The following BUD23 variants were observed in gnomAD, a reference collection of about 807,000 sequenced individuals.
BUD23 encodes the protein 18S rRNA (guanine-N(7))-methyltransferase.
In BUD23, 34 loss-of-function variants were observed where a neutral mutation model predicts 47.0. That is an observed-to-expected ratio of 0.72 (90% CI 0.55 to 0.96). The LOEUF (loss-of-function observed/expected upper bound fraction) is 0.96, where lower values mean the gene tolerates loss of function less well. BUD23 is among the 40% of genes least tolerant of loss of function. BUD23 has a pLI of 0.00. For synonymous variants in BUD23, 124 were observed against 132.0 expected (o/e 0.94, Z 0.41); for missense variants, 343 against 361.2 (o/e 0.95, Z 0.41).
intron 6 of BUD23, among the ~76,000 whole-genome samples, chr7:73,691,959 C>G (rs1798210349): frequency 6.6e-6 from 1 of 152,156 alleles, no homozygotes; most frequent in South Asian, 2.1e-4. Flanking sequence ...TTAGCCTGGT[C>G]TAGCCCACCC....
At position 73,687,844 on chromosome 7, in the gene BUD23, C is replaced by T. The variant is rs1021666298; in HGVS notation, c.362+749C>T. Among the ~76,000 whole-genome samples the T allele has an allele frequency of 2.0e-5, 3 of 151,890 alleles. No homozygotes were observed. The South Asian group carries it at 6.2e-4, about 32-fold the overall frequency. ...TATTTTTTTGGATTCTAAAACTTTG[C>T]AGTCTGGCCAACATGGTGAAACCCA... On this transcript the variant is annotated intron_variant, in intron 5 of 11. Coordinates refer to ENST00000265758, the MANE Select transcript of BUD23 (RefSeq NM_017528.5).
Position 73,697,707 on chromosome 7 carries a change from C to A in BUD23, c.791+13C>A, listed in dbSNP as rs1798476253. 5 of 1,590,688 alleles carry A rather than the reference C, an allele frequency of 3.1e-6. No individual in the cohort carries two copies. Among genetic ancestry groups the A allele is most frequent in the Non-Finnish European group, 4.3e-6 (5 of 1,171,008 alleles). On this transcript the variant is annotated intron_variant, in intron 11 of 11. Coordinates refer to ENST00000265758, the MANE Select transcript of BUD23 (RefSeq NM_017528.5). ...GGCGCCAGGGCAGGTGAGTGCCAGCCTGGGAGCTGGCAGGGTGGGTGGGGG... is the reference window on the plus strand; with the variant it reads ...GGCGCCAGGGCAGGTGAGTGCCAGCATGGGAGCTGGCAGGGTGGGTGGGGG...
chr7:73,689,036 G>A (rs1207644419), intron 5 of BUD23, among the ~76,000 whole-genome samples: 1 of 152,224 alleles, frequency 6.6e-6, no homozygotes, highest in Non-Finnish European at 1.5e-5. Context: ...TCTTCGGGGA[G>A]AGGTGAGATG....
At chr7:73,685,169 C>T (rs548152250) in intron 2 of BUD23, among the ~76,000 whole-genome samples, 1 of 151,304 alleles carries the variant, frequency 6.6e-6, no homozygotes, top group African/African-American at 2.4e-5. Context: ...TTAGCCGGGC[C>T]TACGGGAGGC....
intron 2 of BUD23, among the ~76,000 whole-genome samples, chr7:73,685,302 G>A (rs113864395): frequency 0.035 from 5,338 of 152,278 alleles, 91 homozygotes; most frequent in African/African-American, 0.04. Context: ...AATAGCTATT[G>A]GATACTGTTT....
chr7:73,684,498 G>A (rs1192060837), intron 2 of BUD23, among the ~76,000 whole-genome samples: 1 of 151,400 alleles, frequency 6.6e-6, no homozygotes, highest in Non-Finnish European at 1.5e-5. Flanking sequence ...ATGGGGTCTC[G>A]CTGTGTTGCC....
chr7:73,689,513 C>CT (rs1293362580), intron 5 of BUD23, among the ~76,000 whole-genome samples: 1 of 152,088 alleles, frequency 6.6e-6, no homozygotes, highest in African/African-American at 2.4e-5. Flanking sequence ...GGTGTGTGCC[C>CT]TAGGGAGTCA....
Position 73,686,983 on chromosome 7 carries a change from C to T in BUD23, c.266-16C>T. On this transcript the variant is annotated splice_polypyrimidine_tract_variant and intron_variant, in intron 4 of 11. Transcript: ENST00000265758. The stretch of plus-strand genomic sequence containing the variant: ...CAGGTATTTCTCTTTCTCTGACTGC[C>T]TTTTCTCTAATGTAGATGAGGCTGT... 1 of 1,614,174 alleles carries T rather than the reference C, an allele frequency of 6.2e-7. No individual in the cohort carries two copies. The highest frequency in any genetic ancestry group is 8.5e-7 in the Non-Finnish European group (1 of 1,180,012).
At chr7:73,684,015 G>A in intron 2 of BUD23, 1 of 1,435,944 alleles carries the variant, frequency 7.0e-7, no homozygotes, top group South Asian at 1.5e-5. Context: ...GGGTGATCGC[G>A]CTTGCTTTCC....
chr7:73,691,998 C>T (rs1584223072), intron 6 of BUD23, among the ~76,000 whole-genome samples: 1 of 152,184 alleles, frequency 6.6e-6, no homozygotes, highest in Admixed American at 6.5e-5. Context: ...ACTGCACCTG[C>T]CGATCTGGCC....
intron 7 of BUD23, 22 bp from the exon 8 acceptor site, chr7:73,693,307 C>G: frequency 6.2e-7 from 1 of 1,608,532 alleles, no homozygotes; most frequent in South Asian, 1.1e-5. Flanking sequence ...CGCTGCCTGA[C>G]CCGCTGCCTT....
intron 5 of BUD23, among the ~76,000 whole-genome samples, chr7:73,689,773 A>G (rs1238657316): frequency 1.3e-5 from 2 of 152,038 alleles, no homozygotes; most frequent in Non-Finnish European, 2.9e-5. Flanking sequence ...GGAGTAGATG[A>G]TGGGGAGTTG....
At position 73,686,635 on chromosome 7, in the gene BUD23, G is replaced by A. The variant is rs113913397; in HGVS notation, c.87-1G>A. On this transcript the variant is annotated splice_acceptor_variant, in intron 2 of 11. Transcript: ENST00000265758. LOFTEE classifies it high-confidence loss of function. Reference sequence around the variant, plus strand: ...GTCCACTTGTGTTTCTGCCTTACCAGCTCACGGATGATTGATATCCAGACC... The same window carrying A: ...GTCCACTTGTGTTTCTGCCTTACCAACTCACGGATGATTGATATCCAGACC... 6.2e-7 allele frequency: 1 copy of A among 1,614,116 alleles called. No homozygotes were observed. The highest frequency in any genetic ancestry group is 1.3e-5 in the African/African-American group (1 of 75,030).
intron 2 of BUD23, among the ~76,000 whole-genome samples, chr7:73,685,528 C>T (rs1797930428): frequency 6.6e-6 from 1 of 152,166 alleles, no homozygotes; most frequent in African/African-American, 2.4e-5. Context: ...AACCTCGCCT[C>T]CCGGGTAGTT....
chr7:73,688,833 G>A (rs1003746338), intron 5 of BUD23, among the ~76,000 whole-genome samples: 3 of 152,128 alleles, frequency 2.0e-5, no homozygotes, highest in Non-Finnish European at 2.9e-5. Flanking sequence ...GGGGAGCCAG[G>A]TGAGAGGTAA....
intron 10 of BUD23, 30 bp from the exon 11 acceptor site, chr7:73,697,575 C>T (rs1798464110): frequency 6.2e-7 from 1 of 1,613,264 alleles, no homozygotes; most frequent in Non-Finnish European, 8.5e-7. Flanking sequence ...ATCAGCTGTC[C>T]ATCAGCTCAT....
intron 11 of BUD23, 51 bp downstream of exon 11, chr7:73,697,745 T>G: frequency 6.2e-7 from 1 of 1,610,462 alleles, no homozygotes. Flanking sequence ...GGATGACTAT[T>G]GCCATGAAGA....
Position 73,691,013 on chromosome 7 carries a change from G to T in BUD23, c.459+1G>T. On this transcript the variant is annotated splice_donor_variant, in intron 6 of 11. Coordinates refer to ENST00000265758, the MANE Select transcript of BUD23 (RefSeq NM_017528.5). LOFTEE classifies it high-confidence loss of function. ...TTTTGCTTCTCTTTTTTCTGTTCTC[G>T]TGAGTATAAGATCTTCTCCCCATCT... 1.9e-6 allele frequency: 3 copies of T among 1,613,622 alleles called. No individual in the cohort carries two copies. Among genetic ancestry groups the T allele is most frequent in the Middle Eastern group, 1.7e-4 (1 of 6,060 alleles).
In BUD23 at chr7:73,683,683, G is replaced by A. The variant is rs1797812472; in HGVS notation, c.48+10G>A. 6.2e-7 allele frequency: 1 copy of A among 1,613,630 alleles called. No homozygotes were observed. The highest frequency in any genetic ancestry group is 2.2e-5 in the East Asian group (1 of 44,878). On this transcript the variant is annotated intron_variant, in intron 1 of 11. Transcript: ENST00000265758. ...CGGACCCCCAGAGCTGGTAAGTCCC[G>A]GGGCCCGCGGACACCCCTCTCCCCA...
Sources: allele counts gnomAD v4.1 joint callset (sites outside exome capture counted in the v4.1 genomes callset), GRCh38; gene constraint gnomAD v4.1.1; transcripts MANE v1.5; gene names NCBI Gene and HGNC (gene_info 2026-07-23, HGNC 2026-07-21).